Variants in MYO9A observed in about 807,000 individuals in gnomAD.
MYO9A encodes myosin IXA.
A neutral mutation model predicts 293.3 loss-of-function variants in MYO9A; 103 were observed. The ratio of observed to expected loss-of-function variants is 0.35; its 90% CI spans 0.30 to 0.41. The LOEUF is 0.41. Among genes scored for constraint, MYO9A ranks in the 10% least tolerant of loss-of-function variants. The pLI, the probability that MYO9A is intolerant of heterozygous loss-of-function variation, is 1.00. For synonymous variants in MYO9A, 1,001 were observed against 1,035.7 expected (o/e 0.97, Z 0.64); for missense variants, 2,685 against 3,033.0 (o/e 0.89, Z 2.69).
chr15:71,933,855 A>G, intron 17 of MYO9A, 146 bp from the exon 18 acceptor site: 1 of 695,318 alleles, frequency 1.4e-6, no homozygotes, highest in Non-Finnish European at 2.5e-6. Flanking sequence ...ATATGAAAAC[A>G]CTATCTGATT....
intron 19 of MYO9A, among the ~76,000 whole-genome samples, chr15:71,912,256 A>G (rs2057874999): frequency 1.4e-5 from 2 of 147,922 alleles, no homozygotes; most frequent in Admixed American, 6.8e-5. Context: ...AAAAAGAGAA[A>G]AGTTTTTTTT....
intron 30 of MYO9A, among the ~76,000 whole-genome samples, chr15:71,878,984 T>C (rs1172165865): frequency 1.3e-5 from 2 of 152,086 alleles, no homozygotes; most frequent in Non-Finnish European, 1.5e-5. Context: ...CTTGAACTCC[T>C]GACCTCATGA....
chr15:71,955,788 C>T (rs117680416), intron 14 of MYO9A, among the ~76,000 whole-genome samples: 1 of 152,230 alleles, frequency 6.6e-6, no homozygotes, highest in Non-Finnish European at 1.5e-5. Context: ...AATTTTAGAA[C>T]ATTTTGATCA....
intron 1 of MYO9A, among the ~76,000 whole-genome samples, chr15:72,062,788 G>A (rs916201643): frequency 2.6e-5 from 4 of 152,184 alleles, no homozygotes; most frequent in Non-Finnish European, 4.4e-5. Flanking sequence ...GGAGGCCAAG[G>A]TGGAAGGATT....
intron 6 of MYO9A, 128 bp from the exon 7 acceptor site, chr15:72,010,575 G>C (rs1482377731): frequency 8.6e-6 from 6 of 700,380 alleles, no homozygotes; most frequent in Non-Finnish European, 1.4e-5. Flanking sequence ...TGGTAGAATA[G>C]TAAGACCTAG....
intron 1 of MYO9A, 55 bp from the exon 2 acceptor site, chr15:72,046,689 G>A: frequency 8.4e-7 from 1 of 1,185,070 alleles, no homozygotes; most frequent in Middle Eastern, 2.1e-4. Context: ...GCTTTCTGAT[G>A]CTCAAGAAAG....
intron 20 of MYO9A, among the ~76,000 whole-genome samples, 184 bp downstream of exon 20, chr15:71,904,742 A>G (rs150863022): frequency 3.2e-4 from 49 of 152,306 alleles, no homozygotes; most frequent in Admixed American, 2.9e-3. Flanking sequence ...TGCTAAATCA[A>G]ATCCAAATAA....
At chr15:72,004,352 G>A (rs540487801) in intron 8 of MYO9A, among the ~76,000 whole-genome samples, 68 of 152,324 alleles carry the variant, frequency 4.5e-4, no homozygotes, top group Non-Finnish European at 8.8e-4. Context: ...GAGGTCAGGA[G>A]TTCAAGACCA....
chr15:72,020,820 C>A (rs1566955848), intron 5 of MYO9A, 98 bp downstream of exon 5: 2 of 608,694 alleles, frequency 3.3e-6, no homozygotes, highest in Non-Finnish European at 5.1e-6. Flanking sequence ...GCTAGCTAAT[C>A]CATTCCTAGG....
At chr15:72,005,886 G>A (rs2929523) in intron 8 of MYO9A, among the ~76,000 whole-genome samples, 2,436 of 152,138 alleles carry the variant, frequency 0.016, 72 homozygotes, top group African/African-American at 0.054. Flanking sequence ...CACATGAAGT[G>A]GCCTATGAAC....
chr15:72,065,517 A>G (rs1444341790), intron 1 of MYO9A, among the ~76,000 whole-genome samples: 2 of 147,340 alleles, frequency 1.4e-5, no homozygotes, highest in Non-Finnish European at 3.0e-5. Flanking sequence ...CTCCGTCTCA[A>G]AAAAAAAAAA....
chr15:72,031,492 A>T (rs189857196), intron 3 of MYO9A, among the ~76,000 whole-genome samples: 136 of 152,324 alleles, frequency 8.9e-4, no homozygotes, highest in Non-Finnish European at 1.4e-3. Context: ...CTCAAAAAAA[A>T]TAAATAATAA....
chr15:71,986,481 T>C (rs1187752393), intron 11 of MYO9A, among the ~76,000 whole-genome samples: 1 of 152,170 alleles, frequency 6.6e-6, no homozygotes, highest in Non-Finnish European at 1.5e-5. Context: ...ACAAACACAT[T>C]TCAGTCAAGA....
intron 15 of MYO9A, among the ~76,000 whole-genome samples, chr15:71,949,989 T>G (rs1029838225): frequency 6.6e-6 from 1 of 152,170 alleles, no homozygotes; most frequent in African/African-American, 2.4e-5. Flanking sequence ...ACTTTTGGTC[T>G]TTTTCCAGTA....
At chr15:72,080,276 A>C (rs961254694) in intron 1 of MYO9A, among the ~76,000 whole-genome samples, 1 of 146,916 alleles carries the variant, frequency 6.8e-6, no homozygotes, top group African/African-American at 2.5e-5. Flanking sequence ...TCAACTAACA[A>C]CGTACCAATC....
chr15:72,028,660 A>G lies in MYO9A; in HGVS notation c.936-867T>C, dbSNP rs537479170. Among the ~76,000 whole-genome samples, 547 of 151,582 alleles carry G rather than the reference A, an allele frequency of 3.6e-3. 5 individuals carry two copies. The highest frequency in any genetic ancestry group is 0.013 in the African/African-American group (529 of 41,276). ...AAAACTTCGTCTCAAAAAAAAAAAA[A>G]GAAGTTTAAAACACAGTACACAAGA... is the stretch of plus-strand genomic sequence containing the variant. On this transcript the variant is annotated intron_variant, in intron 3 of 41. Coordinates refer to ENST00000356056, the MANE Select transcript of MYO9A (RefSeq NM_006901.4).
At chr15:71,840,729 A>G (rs2055124053) in intron 39 of MYO9A, among the ~76,000 whole-genome samples, 1 of 152,074 alleles carries the variant, frequency 6.6e-6, no homozygotes, top group South Asian at 2.1e-4. Flanking sequence ...TCTGGGGTTC[A>G]CGCCATTCTT....
intron 32 of MYO9A, among the ~76,000 whole-genome samples, chr15:71,875,352 C>T (rs1188052602): frequency 2.6e-5 from 4 of 151,892 alleles, no homozygotes; most frequent in Admixed American, 6.6e-5. Flanking sequence ...AGCATGTCAG[C>T]GTGAAAAAGT....
intron 11 of MYO9A, 48 bp downstream of exon 11, chr15:71,991,055 A>T: frequency 7.0e-7 from 1 of 1,424,454 alleles, no homozygotes; most frequent in Non-Finnish European, 9.3e-7. Flanking sequence ...ATATGACTCA[A>T]AGATATGTGT....
Sources: gnomAD v4.1 joint callset for allele counts (sites outside exome capture counted in the v4.1 genomes callset) on GRCh38, gnomAD v4.1.1 for gene constraint, MANE v1.5 for transcripts, NCBI Gene and HGNC (gene_info 2026-07-23, HGNC 2026-07-21) for gene names.